Variants in ITPR1 observed in about 807,000 individuals in gnomAD.
ITPR1 encodes the protein inositol 1,4,5-trisphosphate-gated calcium channel ITPR1.
In ITPR1, 96 loss-of-function variants were observed where a neutral mutation model predicts 318.4. The observed-to-expected ratio is 0.30, with a 90% CI of 0.26 to 0.36. The LOEUF is 0.36. ITPR1 is among the 10% of genes least tolerant of loss of function. The pLI is 1.00. For synonymous variants in ITPR1, 1,312 were observed against 1,289.9 expected (o/e 1.02, Z -0.37); for missense variants, 2,440 against 3,460.2 (o/e 0.71, Z 7.40).
intron 34 of ITPR1, among the ~76,000 whole-genome samples, chr3:4,699,148 A>G (rs1469559555): frequency 6.6e-6 from 1 of 151,918 alleles, no homozygotes; most frequent in Non-Finnish European, 1.5e-5. Flanking sequence ...CAGGAGTTCG[A>G]GACCAGCCTG....
intron 30 of ITPR1, 76 bp downstream of exon 30, chr3:4,685,282 T>A: frequency 7.2e-7 from 1 of 1,392,146 alleles, no homozygotes; most frequent in Non-Finnish European, 9.5e-7. Context: ...TCTTCACATC[T>A]GGATATTGTT....
At chr3:4,586,914 C>G (rs1014877436) in intron 4 of ITPR1, among the ~76,000 whole-genome samples, 9 of 152,060 alleles carry the variant, frequency 5.9e-5, no homozygotes, top group Non-Finnish European at 1.0e-4. Flanking sequence ...TTCTCTGACT[C>G]TTGTTCATAC....
At chr3:4,599,395 T>TA (rs2091098817) in intron 4 of ITPR1, among the ~76,000 whole-genome samples, 1 of 152,220 alleles carries the variant, frequency 6.6e-6, no homozygotes, top group Non-Finnish European at 1.5e-5. Context: ...TGGGAGATTT[T>TA]ACATAAAAAA....
chr3:4,807,524 A>C (rs1362632817), intron 55 of ITPR1, among the ~76,000 whole-genome samples: 1 of 152,178 alleles, frequency 6.6e-6, no homozygotes, highest in African/African-American at 2.4e-5. Flanking sequence ...TCAGGGTCTT[A>C]GAATAGCACT....
In ITPR1 at chr3:4,680,583, A is replaced by G; in HGVS notation, c.2998A>G (p.Ile1000Val). The change falls in exon 25 of 62, where the codon ATC becomes GTC. Residue 1000 changes from isoleucine to valine, a missense_variant. By Grantham distance (29) the Ile-to-Val change is conservative (BLOSUM62 3). Coordinates refer to ENST00000649015, the MANE Select transcript of ITPR1 (RefSeq NM_001378452.1). ...FILNVRLDYR[I>V]SCLLCIFKRE... The stretch of plus-strand genomic sequence containing the variant: ...TTTGAATGTGAGGTTGGATTATAGG[A>G]TCTCCTGCCTCCTGTGTATATTTAA... 6.2e-7 allele frequency: 1 copy of G among 1,613,156 alleles called. No individual in the cohort carries two copies. Among genetic ancestry groups the G allele is most frequent in the Non-Finnish European group, 8.5e-7 (1 of 1,179,158 alleles).
At chr3:4,730,774 A>G (rs886266830) in intron 42 of ITPR1, among the ~76,000 whole-genome samples, 2 of 152,238 alleles carry the variant, frequency 1.3e-5, no homozygotes, top group African/African-American at 2.4e-5. Context: ...CACAGGCTCC[A>G]GTTGAGACCC....
intron 60 of ITPR1, among the ~76,000 whole-genome samples, chr3:4,836,054 C>G (rs2050889916): frequency 6.6e-6 from 1 of 152,154 alleles, no homozygotes. Flanking sequence ...TAATGATCTC[C>G]TCACCCACGC....
chr3:4,669,172 A>G (rs542256927), intron 18 of ITPR1, among the ~76,000 whole-genome samples: 2 of 152,366 alleles, frequency 1.3e-5, no homozygotes, highest in East Asian at 3.9e-4. Context: ...AATCCGCAGG[A>G]CAGCCCTCAG....
intron 4 of ITPR1, among the ~76,000 whole-genome samples, chr3:4,572,334 C>T (rs1029730734): frequency 2.0e-5 from 3 of 152,168 alleles, no homozygotes; most frequent in Admixed American, 6.5e-5. Flanking sequence ...CAGTAAATGG[C>T]AATTTCAGTT....
chr3:4,685,162 G>A lies in ITPR1; in HGVS notation c.3658G>A (p.Ala1220Thr), dbSNP rs376380738. The change falls in exon 30 of 62, where the codon GCG becomes ACG. Residue 1220 changes from alanine (A) to threonine (T), a missense_variant. Ala to Thr is a moderately conservative substitution (Grantham distance 58, BLOSUM62 0). This residue lies in a region of ITPR1 where 222 missense variants were observed against 318.8 expected (regional missense o/e 0.70). Coordinates refer to ENST00000649015, the MANE Select transcript of ITPR1 (RefSeq NM_001378452.1). ...ACAGCGTCTGCTCCGGAACATGGGC[G>A]CGCACGCCGTGGTGCTGGAGCTGCT... ...QQQRLLRNMGAHAVVLELLQI... is the reference protein window; with the variant it reads ...QQQRLLRNMGTHAVVLELLQI... The A allele has an allele frequency of 4.0e-5, 65 of 1,607,908 alleles. No homozygotes were observed. Among genetic ancestry groups the A allele is most frequent in the Middle Eastern group, 1.6e-4 (1 of 6,078 alleles).
At chr3:4,601,381 T>C (rs1308283377) in intron 4 of ITPR1, among the ~76,000 whole-genome samples, 1 of 151,462 alleles carries the variant, frequency 6.6e-6, no homozygotes, top group African/African-American at 2.4e-5. Flanking sequence ...TAGCCAGGCA[T>C]GGTTGCATAC....
chr3:4,780,194 A>G (rs1193853688), intron 49 of ITPR1, among the ~76,000 whole-genome samples: 2 of 152,192 alleles, frequency 1.3e-5, no homozygotes, highest in Non-Finnish European at 2.9e-5. Context: ...GTCAAGCCCT[A>G]GCACCATGCT....
chr3:4,775,358 T>C lies in ITPR1; in HGVS notation c.6096T>C (p.Tyr2032=), dbSNP rs778175942. The change falls in exon 47 of 62, where the codon TAT becomes TAC. Residue 2032 remains tyrosine (Y), a synonymous_variant. Transcript: ENST00000649015. ...TTGGLGLLGL[Y]INEKNVALIN... Reference sequence around the variant, plus strand: ...GAGGCCTTGGTCTTCTGGGCTTGTATATAAATGAAAAGAATGTAGCGCTTA... The same window carrying C: ...GAGGCCTTGGTCTTCTGGGCTTGTACATAAATGAAAAGAATGTAGCGCTTA... 1 of 1,613,850 alleles carries C rather than the reference T, an allele frequency of 6.2e-7. No homozygotes were observed. Among genetic ancestry groups the C allele is most frequent in the South Asian group, 1.1e-5 (1 of 91,074 alleles).
intron 4 of ITPR1, among the ~76,000 whole-genome samples, chr3:4,596,871 T>C (rs1215871087): frequency 6.6e-6 from 1 of 152,228 alleles, no homozygotes; most frequent in Admixed American, 6.5e-5. Flanking sequence ...AAGTTGACTT[T>C]ATATTGTTTC....
At chr3:4,680,338 A>G (rs1412314877) in intron 24 of ITPR1, among the ~76,000 whole-genome samples, 1 of 152,140 alleles carries the variant, frequency 6.6e-6, no homozygotes, top group Non-Finnish European at 1.5e-5. Context: ...AGCTTACACT[A>G]GAGGCTAAGG....
chr3:4,646,999 C>T (rs1436137810), intron 10 of ITPR1, among the ~76,000 whole-genome samples: 2 of 152,096 alleles, frequency 1.3e-5, no homozygotes, highest in Admixed American at 6.6e-5. Flanking sequence ...ATACGTTCAG[C>T]CATGTAACCA....
intron 4 of ITPR1, among the ~76,000 whole-genome samples, chr3:4,533,710 T>G (rs1463524967): frequency 6.6e-6 from 1 of 152,188 alleles, no homozygotes; most frequent in Non-Finnish European, 1.5e-5. Context: ...CCTGAATTTT[T>G]TAGATTTTAT....
intron 4 of ITPR1, among the ~76,000 whole-genome samples, chr3:4,596,352 A>T (rs1312700387): frequency 6.6e-6 from 1 of 152,178 alleles, no homozygotes; most frequent in Non-Finnish European, 1.5e-5. Flanking sequence ...AGTTTTTAAA[A>T]ATGTTTATGT....
At chr3:4,561,454 G>T (rs1223351989) in intron 4 of ITPR1, among the ~76,000 whole-genome samples, 1 of 152,166 alleles carries the variant, frequency 6.6e-6, no homozygotes, top group East Asian at 1.9e-4. Context: ...GGGAGTGGGG[G>T]ATTAAATCTG....
Sources: gnomAD v4.1 joint callset for allele counts (sites outside exome capture counted in the v4.1 genomes callset) on GRCh38, gnomAD v4.1.1 for gene constraint, gnomAD v4.1.1 regional missense constraint, MANE v1.5 for transcripts, NCBI Gene and HGNC (gene_info 2026-07-23, HGNC 2026-07-21) for gene names.